GRAMD1C: variants seen among roughly 807,000 people sequenced by gnomAD.
GRAMD1C encodes GRAM domain containing 1C.
A neutral mutation model predicts 97.8 loss-of-function variants in GRAMD1C; 89 were observed. That is an observed-to-expected ratio of 0.91 (90% confidence interval 0.77 to 1.09). The LOEUF (loss-of-function observed/expected upper bound fraction) is 1.09. Among genes scored for constraint, GRAMD1C ranks in the 50% least tolerant of loss-of-function variants. GRAMD1C has a pLI of 0.00. For missense variants in GRAMD1C, 740 were observed against 766.4 expected, an observed-to-expected ratio of 0.97 and a Z score of 0.41; for synonymous variants, 256 against 267.0, an observed-to-expected ratio of 0.96 and a Z score of 0.40.
Position 113,945,844 on chromosome 3 carries a change from A to G in GRAMD1C, c.*366A>G, listed in dbSNP as rs374844493. On this transcript the variant is annotated 3_prime_UTR_variant, in exon 18 of 18. Transcript: ENST00000358160. ...TTAGCACAGAATCCGTACATGTCCA[A>G]TAGGTCGCTTTTGTAACTGAGATAA... 1 of 181,814 alleles carries G rather than the reference A, an allele frequency of 5.5e-6. No individual in the cohort carries two copies. The highest frequency in any genetic ancestry group is 1.1e-5 in the Non-Finnish European group (1 of 88,220). 11.3% of individuals were successfully genotyped at this position (181,814 alleles called of 1,614,324 possible).
At chr3:113,872,878 C>A (rs1301875263) in intron 3 of GRAMD1C, among the ~76,000 whole-genome samples, 4 of 147,580 alleles carry the variant, frequency 2.7e-5, no homozygotes, top group African/African-American at 7.5e-5. Context: ...TCAAGACCAG[C>A]CTGGGCAACA....
intron 1 of GRAMD1C, among the ~76,000 whole-genome samples, chr3:113,832,011 A>T (rs1300284880): frequency 6.6e-6 from 1 of 150,458 alleles, no homozygotes; most frequent in Non-Finnish European, 1.5e-5. Flanking sequence ...AAAACTGGAC[A>T]TTTTGAATAT....
chr3:113,848,508 TATTTTAAAA>T (rs1933714651), intron 2 of GRAMD1C, among the ~76,000 whole-genome samples: 1 of 151,732 alleles, frequency 6.6e-6, no homozygotes, highest in African/African-American at 2.4e-5. Context: ...TTTTTTTTTT[TATTTTAAAA>T]TATTGGGCCA....
chr3:113,933,971 T>C (rs956917541), intron 12 of GRAMD1C, among the ~76,000 whole-genome samples: 2 of 152,094 alleles, frequency 1.3e-5, no homozygotes, highest in African/African-American at 4.8e-5. Context: ...GCTGGGAGTT[T>C]TGGGGGAGTG....
chr3:113,867,733 T>G (rs1324131628), intron 2 of GRAMD1C, among the ~76,000 whole-genome samples: 4 of 152,246 alleles, frequency 2.6e-5, no homozygotes, highest in African/African-American at 9.6e-5. Context: ...GGATTTCTTC[T>G]TTGTTGTTCA....
chr3:113,931,561 G>A (rs903396664), intron 11 of GRAMD1C, among the ~76,000 whole-genome samples: 2 of 151,992 alleles, frequency 1.3e-5, no homozygotes, highest in African/African-American at 4.8e-5. Context: ...GTTTCAGCAT[G>A]TTGGTTGGGC....
chr3:113,906,994 G>A (rs1936395290), intron 8 of GRAMD1C, among the ~76,000 whole-genome samples: 2 of 152,168 alleles, frequency 1.3e-5, no homozygotes, highest in Admixed American at 6.5e-5. Flanking sequence ...GCCTGGGTGT[G>A]TAGTAAGCTA....
intron 6 of GRAMD1C, among the ~76,000 whole-genome samples, chr3:113,892,985 A>G (rs560098323): frequency 1.3e-5 from 2 of 152,160 alleles, no homozygotes; most frequent in Non-Finnish European, 2.9e-5. Context: ...ATTTCATGAC[A>G]TGTGGCAATT....
upstream of GRAMD1C, among the ~76,000 whole-genome samples, chr3:113,837,557 T>C (rs566380565): frequency 1.1e-3 from 171 of 152,330 alleles, no homozygotes; most frequent in African/African-American, 3.9e-3. Flanking sequence ...AGGTCATTGG[T>C]ACATAAAAAA....
chr3:113,849,782 T>C (rs1933787463), intron 2 of GRAMD1C, among the ~76,000 whole-genome samples: 1 of 152,212 alleles, frequency 6.6e-6, no homozygotes, highest in African/African-American at 2.4e-5. Context: ...ATTGTCATGA[T>C]GGCCCGTTCT....
At chr3:113,920,199 G>T in intron 10 of GRAMD1C, 1 of 1,294,744 alleles carries the variant, frequency 7.7e-7, no homozygotes, top group South Asian at 1.3e-5. Context: ...CCTGAAATGT[G>T]AACTGAATAG....
chr3:113,869,512 A>G lies in GRAMD1C; in HGVS notation c.180A>G (p.Ser60=). 2 of 1,450,274 alleles carry G rather than the reference A, an allele frequency of 1.4e-6. No homozygotes were observed. The highest frequency in any genetic ancestry group is 1.9e-6 in the Non-Finnish European group (2 of 1,044,396). The allele number at this position is 1,450,274 out of a possible 1,614,324, so 89.8% of individuals were successfully genotyped here. ...NWSGDWSFWI[S]SSTYKDRNEE... is the part of the protein sequence containing the mutation. ...TAATCTTTTTATTGTTGCAGATTTC[A>G]AGTTCCACCTATAAAGACAGGAATG... The change falls in exon 3 of 18, where the codon TCA becomes TCG. Residue 60 remains serine (S), a synonymous_variant. Transcript: ENST00000358160.
chr3:113,883,678 G>A (rs1935343829), intron 6 of GRAMD1C, among the ~76,000 whole-genome samples: 1 of 152,148 alleles, frequency 6.6e-6, no homozygotes, highest in African/African-American at 2.4e-5. Context: ...AGAAGTGAAT[G>A]TAGTAATATC....
chr3:113,919,892 G>A (rs1427583370), intron 10 of GRAMD1C: 7 of 651,360 alleles, frequency 1.1e-5, no homozygotes, highest in South Asian at 2.7e-5. Flanking sequence ...CAGTACCACA[G>A]CAGAAACAGA....
At chr3:113,856,166 G>T (rs1415388566) in intron 2 of GRAMD1C, among the ~76,000 whole-genome samples, 1 of 152,116 alleles carries the variant, frequency 6.6e-6, no homozygotes, top group Non-Finnish European at 1.5e-5. Flanking sequence ...AGGATTACAG[G>T]TGTGAGCCAC....
chr3:113,904,955 C>T (rs991172316), intron 8 of GRAMD1C, among the ~76,000 whole-genome samples: 5 of 152,198 alleles, frequency 3.3e-5, no homozygotes, highest in African/African-American at 7.2e-5. Flanking sequence ...CGGCCTCAGC[C>T]TCCCAAGTAG....
chr3:113,890,684 G>A (rs541323780), intron 6 of GRAMD1C: 59 of 681,532 alleles, frequency 8.7e-5, no homozygotes, highest in South Asian at 7.9e-4. Context: ...AGGCACCAGC[G>A]ACATCGCAGA....
At chr3:113,862,291 T>C (rs1275312622) in intron 2 of GRAMD1C, among the ~76,000 whole-genome samples, 1 of 152,144 alleles carries the variant, frequency 6.6e-6, no homozygotes, top group East Asian at 1.9e-4. Flanking sequence ...CCTACAGCTG[T>C]GACTGTAAAA....
chr3:113,838,682 C>G (rs936336299), upstream of GRAMD1C: 3 of 367,192 alleles, frequency 8.2e-6, no homozygotes, highest in Admixed American at 4.6e-5. Context: ...ATAGGGAAGT[C>G]TCATTGTGAC....
Sources: allele counts gnomAD v4.1 joint callset (sites outside exome capture counted in the v4.1 genomes callset), GRCh38; gene constraint gnomAD v4.1.1; transcripts MANE v1.5; gene names NCBI Gene and HGNC (gene_info 2026-07-23, HGNC 2026-07-21).